The following GAPVD1 variants were observed in gnomAD, a reference collection of about 807,000 sequenced individuals.
The protein encoded by GAPVD1 is GTPase activating protein and VPS9 domains 1, also known as GTPase-activating protein and VPS9 domain-containing protein 1.
Under a neutral mutation model 155.5 loss-of-function variants are expected in GAPVD1, and 35 were observed. That is an observed-to-expected ratio of 0.23 (90% CI 0.17 to 0.30). The LOEUF (loss-of-function observed/expected upper bound fraction) is 0.30, where lower values mean the gene tolerates loss of function less well. Ranked by LOEUF, GAPVD1 falls within the 10% of genes least tolerant of loss-of-function variation. The pLI, the probability that GAPVD1 is intolerant of heterozygous loss-of-function variation, is 1.00. For missense variants in GAPVD1, 1,429 were observed against 1,775.7 expected, an observed-to-expected ratio of 0.80 and a Z score of 3.51; for synonymous variants, 636 against 619.7, an observed-to-expected ratio of 1.03 and a Z score of -0.39.
chr9:125,366,099 G>C lies in GAPVD1; in HGVS notation c.*3353G>C, dbSNP rs1370878536. The C allele has an allele frequency of 6.6e-6, 1 of 152,302 alleles. No homozygotes were observed. The highest frequency in any genetic ancestry group is 1.9e-4 in the East Asian group (1 of 5,192). 9.4% of individuals were successfully genotyped at this position (152,302 alleles called of 1,614,324 possible). ...TACAGATAGTTAAATCGCTGTAGTAGGAGGCTCAGGTTTTCTAAGGGATTG... is the reference window on the plus strand; with the variant it reads ...TACAGATAGTTAAATCGCTGTAGTACGAGGCTCAGGTTTTCTAAGGGATTG... On this transcript the variant is annotated 3_prime_UTR_variant, in exon 28 of 28. Coordinates refer to ENST00000297933, the MANE Select transcript of GAPVD1 (RefSeq NM_001282680.3).
intron 23 of GAPVD1, among the ~76,000 whole-genome samples, chr9:125,352,424 A>G (rs929873194): frequency 3.3e-5 from 5 of 152,156 alleles, no homozygotes; most frequent in African/African-American, 1.2e-4. Context: ...CAGGCTCAAC[A>G]CCTCATGGAA....
chr9:125,312,447 A>G lies in GAPVD1; in HGVS notation c.1442-5A>G, dbSNP rs1445754302. 5.8e-6 allele frequency: 9 copies of G among 1,556,588 alleles called. No individual in the cohort carries two copies. Among genetic ancestry groups the G allele is most frequent in the Non-Finnish European group, 7.8e-6 (9 of 1,153,012 alleles). ...TAAATTATTTTATTTGAAATTTTTT[A>G]TTAGCAACTCGGAGCAGAAGCCGCA... On this transcript the variant is annotated splice_polypyrimidine_tract_variant and splice_region_variant and intron_variant, in intron 8 of 27. Coordinates refer to ENST00000297933, the MANE Select transcript of GAPVD1 (RefSeq NM_001282680.3).
Position 125,362,948 on chromosome 9 carries a change from G to T in GAPVD1, c.*202G>T, listed in dbSNP as rs1478673423. 1 of 348,684 alleles carries T rather than the reference G, an allele frequency of 2.9e-6. No homozygotes were observed. Among genetic ancestry groups the T allele is most frequent in the East Asian group, 4.7e-5 (1 of 21,264 alleles). The allele number at this position is 348,684 out of a possible 1,614,324, so 21.6% of individuals were successfully genotyped here. A position where few individuals can be genotyped will look rare whatever the true frequency, so the allele number is the denominator to read the frequency against. On this transcript the variant is annotated 3_prime_UTR_variant, in exon 28 of 28. Transcript: ENST00000297933. The stretch of plus-strand genomic sequence containing the variant: ...CTTTGGGCTCTTTCCTTTCTGAGTT[G>T]CATATTCTATTTTCTTGTCCCCAAG...
chr9:125,330,038 A>G (rs1467712134), intron 12 of GAPVD1, 40 bp from the exon 13 acceptor site: 1 of 1,536,544 alleles, frequency 6.5e-7, no homozygotes, highest in South Asian at 1.2e-5. Context: ...ACTTTCCTCC[A>G]GGATCTTTGT....
intron 12 of GAPVD1, among the ~76,000 whole-genome samples, chr9:125,328,233 G>T (rs1845507148): frequency 8.1e-6 from 1 of 123,778 alleles, no homozygotes; most frequent in Non-Finnish European, 1.7e-5. Context: ...GATAATTCTT[G>T]GGTGTTTCTC....
chr9:125,293,878 A>ATATAAATATATTT (rs1839320209), intron 2 of GAPVD1, among the ~76,000 whole-genome samples: 1 of 18,988 alleles, frequency 5.3e-5, no homozygotes, highest in African/African-American at 2.5e-4. Context: ...ATATATATAT[A>ATATAAATATATTT]TATATATATA....
At chr9:125,338,971 T>A (rs1287844236) in intron 17 of GAPVD1, among the ~76,000 whole-genome samples, 1 of 150,362 alleles carries the variant, frequency 6.7e-6, no homozygotes, top group Non-Finnish European at 1.5e-5. Context: ...ATATATTTTT[T>A]GTTGTTGTTG....
chr9:125,316,984 A>C (rs868334712), intron 9 of GAPVD1, among the ~76,000 whole-genome samples: 1 of 152,210 alleles, frequency 6.6e-6, no homozygotes, highest in Non-Finnish European at 1.5e-5. Context: ...CATATAAAGA[A>C]ACAAAAATAT....
intron 1 of GAPVD1, among the ~76,000 whole-genome samples, chr9:125,266,415 G>A (rs951213583): frequency 2.0e-5 from 3 of 151,766 alleles, no homozygotes; most frequent in Non-Finnish European, 4.4e-5. Flanking sequence ...CCGAGTTCAC[G>A]CCATTCTCCT....
chr9:125,305,167 T>C lies in GAPVD1; in HGVS notation c.1116+18T>C, dbSNP rs779113332. 6.5e-7 allele frequency: 1 copy of C among 1,539,848 alleles called. No individual in the cohort carries two copies. The highest frequency in any genetic ancestry group is 9.0e-7 in the Non-Finnish European group (1 of 1,113,268). On this transcript the variant is annotated intron_variant, in intron 6 of 27. Transcript: ENST00000297933. ...TTGACAAAGTAAGAATAAATATGAT[T>C]TATAGAAAATTCTGAAGTATTAGTG... is the stretch of plus-strand genomic sequence containing the variant.
intron 2 of GAPVD1, among the ~76,000 whole-genome samples, chr9:125,286,922 A>T (rs1837796661): frequency 6.6e-6 from 1 of 151,978 alleles, no homozygotes; most frequent in African/African-American, 2.4e-5. Context: ...CGTCTCTACT[A>T]AAAATACAAA....
intron 2 of GAPVD1, among the ~76,000 whole-genome samples, chr9:125,282,812 C>T (rs1787324829): frequency 6.6e-6 from 1 of 152,088 alleles, no homozygotes; most frequent in Non-Finnish European, 1.5e-5. Context: ...CAATAGGTGT[C>T]AGAGTTCAGT....
intron 23 of GAPVD1, among the ~76,000 whole-genome samples, chr9:125,354,000 A>G (rs1849682476): frequency 6.6e-6 from 1 of 152,358 alleles, no homozygotes; most frequent in Middle Eastern, 3.4e-3. Context: ...TGAGGCTAGA[A>G]CAACTAGAAT....
Position 125,342,245 on chromosome 9 carries a change from A to G in GAPVD1, c.2992A>G (p.Lys998Glu). 6.3e-7 allele frequency: 1 copy of G among 1,594,978 alleles called. No individual in the cohort carries two copies. Among genetic ancestry groups the G allele is most frequent in the Non-Finnish European group, 8.6e-7 (1 of 1,162,534 alleles). The change falls in exon 19 of 28, where the codon AAA becomes GAA. Residue 998 changes from lysine (K) to glutamate (E), a missense_variant. Lys to Glu is a moderately conservative substitution (Grantham distance 56). Coordinates refer to ENST00000297933, the MANE Select transcript of GAPVD1 (RefSeq NM_001282680.3). ...KAPIPFRKKE[K>E]QEKDKDDLGP... The stretch of plus-strand genomic sequence containing the variant: ...TCCTATACCATTTAGAAAGAAAGAA[A>G]AACAAGAAAAAGACAAAGATGATCT...
chr9:125,326,339 G>A (rs1321553403), intron 11 of GAPVD1, 77 bp from the exon 12 acceptor site: 8 of 1,022,524 alleles, frequency 7.8e-6, no homozygotes, highest in Non-Finnish European at 1.0e-5. Context: ...CCAACATGGA[G>A]ATAAAATTCT....
chr9:125,357,438 G>T (rs190543638), intron 25 of GAPVD1, among the ~76,000 whole-genome samples: 2 of 152,006 alleles, frequency 1.3e-5, no homozygotes, highest in African/African-American at 4.8e-5. Context: ...AATTAGCTGG[G>T]TGTGGTGGCA....
Position 125,298,897 on chromosome 9 carries a change from C to G in GAPVD1, c.-25C>G. 1 of 1,489,834 alleles carries G rather than the reference C, an allele frequency of 6.7e-7. No homozygotes were observed. The highest frequency in any genetic ancestry group is 1.8e-4 in the Middle Eastern group (1 of 5,694). The allele number at this position is 1,489,834 out of a possible 1,614,324, so 92.3% of individuals were successfully genotyped here. The stretch of plus-strand genomic sequence containing the variant: ...TTATCTTTTTACTCTTAGTGATCAG[C>G]CTTTGAGCCTTTCCCACATTGAAGA... On this transcript the variant is annotated 5_prime_UTR_variant, in exon 4 of 28. Transcript: ENST00000297933.
At chr9:125,330,293 A>G (rs1337998365) in intron 13 of GAPVD1, 75 bp downstream of exon 13, 3 of 866,198 alleles carry the variant, frequency 3.5e-6, no homozygotes, top group African/African-American at 1.8e-5. Context: ...CCAACTCTGT[A>G]TTATGTATAT....
At chr9:125,350,899 T>A in intron 23 of GAPVD1, 27 bp downstream of exon 23, 1 of 1,557,326 alleles carries the variant, frequency 6.4e-7, no homozygotes, top group Non-Finnish European at 8.7e-7. Context: ...GTTCAGCTTT[T>A]AAACCTAGTT....
Sources: gnomAD v4.1 joint callset for allele counts (sites outside exome capture counted in the v4.1 genomes callset) on GRCh38, gnomAD v4.1.1 for gene constraint, MANE v1.5 for transcripts, NCBI Gene and HGNC (gene_info 2026-07-23, HGNC 2026-07-21) for gene names.